The following TUBB8B variants were observed in gnomAD, a reference collection of about 807,000 sequenced individuals.
TUBB8B encodes HSA18p11 beta-tubulin 4Q pseudogene.
A neutral mutation model predicts 31.9 loss-of-function variants in TUBB8B; 26 were observed. The observed-to-expected ratio is 0.81, with a 90% CI of 0.60 to 1.13. TUBB8B has a LOEUF of 1.13. Ranked by LOEUF, TUBB8B falls within the 50% of genes most tolerant of loss-of-function variation. The pLI is 0.00. For missense variants in TUBB8B, 467 were observed against 586.7 expected (o/e 0.80, Z 2.11); for synonymous variants, 173 against 231.0 (o/e 0.75, Z 2.28).
At chr18:72,650 T>C in the TUBB8B span, among the ~76,000 whole-genome samples, 6 of 152,084 alleles carry the variant, frequency 3.9e-5, no homozygotes, top group South Asian at 2.1e-4. Context: ...GTTTCCACTA[T>C]GTTAACAAAT....
At chr18:48,913 G>A (rs1258199995) in intron 3 of TUBB8B, 27 bp downstream of exon 3, 3 of 1,462,668 alleles carry the variant, frequency 2.1e-6, no homozygotes, top group Middle Eastern at 1.9e-4. Context: ...CTAAGGAGCC[G>A]CACCCCAGTC....
chr18:71,778 G>A, the TUBB8B span, among the ~76,000 whole-genome samples: 2 of 151,916 alleles, frequency 1.3e-5, no homozygotes, highest in East Asian at 3.9e-4. Flanking sequence ...AGCTACTCAG[G>A]AGGCTGATGC....
rs551431558 is a variant in TUBB8B at position 49,333 on chromosome 18, G to T, written c.58-96C>A. ...CCACCCGCACCCCCATCCCTAGGCC[G>T]CCCTGTCCCTGGGGTCCACCCCAGC... is the stretch of plus-strand genomic sequence containing the variant. On this transcript the variant is annotated intron_variant, in intron 1 of 3. Transcript: ENST00000308911. 16 of 817,216 alleles carry T rather than the reference G, an allele frequency of 2.0e-5. No individual in the cohort carries two copies. The African/African-American group carries it at 2.6e-4, about 13-fold the overall frequency. The allele number at this position is 817,216 out of a possible 1,614,324, so 50.6% of individuals were successfully genotyped here.
At chr18:48,651 G>A (rs547116581) in intron 3 of TUBB8B, 49 of 664,784 alleles carry the variant, frequency 7.4e-5, no homozygotes, top group African/African-American at 6.8e-4. Flanking sequence ...AACCTGAGAC[G>A]GGTTCACAGA....
chr18:67,246 T>C, the TUBB8B span, among the ~76,000 whole-genome samples: 8,596 of 106,840 alleles, frequency 0.08, no homozygotes, highest in African/African-American at 0.18. Context: ...TCCACCCGCC[T>C]TGGCCTCCCA....
upstream of TUBB8B, among the ~76,000 whole-genome samples, chr18:54,122 T>G (rs1321528917): frequency 6.6e-6 from 1 of 151,798 alleles, no homozygotes; most frequent in African/African-American, 2.4e-5. Context: ...TAAGCCCCTA[T>G]TGACTAAATG....
chr18:73,415 C>A, the TUBB8B span: 1 of 164,150 alleles, frequency 6.1e-6, no homozygotes, highest in African/African-American at 2.4e-5. Context: ...GCCCCGGCCC[C>A]TCCTGGGTGG....
chr18:62,377 T>C, the TUBB8B span, among the ~76,000 whole-genome samples: 1 of 151,458 alleles, frequency 6.6e-6, no homozygotes, highest in Non-Finnish European at 1.5e-5. Flanking sequence ...TGATATCAAA[T>C]GTTGGGGAAT....
chr18:58,996 A>G, the TUBB8B span, among the ~76,000 whole-genome samples: 1 of 151,690 alleles, frequency 6.6e-6, no homozygotes, highest in African/African-American at 2.4e-5. Flanking sequence ...GTTGTTACAC[A>G]CTTTTAAATA....
chr18:57,242 T>C, the TUBB8B span, among the ~76,000 whole-genome samples: 1 of 151,806 alleles, frequency 6.6e-6, no homozygotes, highest in Non-Finnish European at 1.5e-5. Flanking sequence ...AAGTCAAAAG[T>C]CTCATCTAAG....
chr18:49,701 C>T, upstream of TUBB8B: 2 of 702,004 alleles, frequency 2.8e-6, 1 homozygote, highest in Middle Eastern at 7.4e-4. Flanking sequence ...TAAGCAACAG[C>T]TTTACTTCCA....
the TUBB8B span, among the ~76,000 whole-genome samples, chr18:70,079 A>G: frequency 2.0e-5 from 2 of 101,576 alleles, no homozygotes; most frequent in African/African-American, 3.9e-5. Flanking sequence ...GCTTGAACAC[A>G]GGAGGTGGAG....
At chr18:71,569 T>TAA in the TUBB8B span, among the ~76,000 whole-genome samples, 4,687 of 57,486 alleles carry the variant, frequency 0.082, 410 homozygotes, top group African/African-American at 0.17. Flanking sequence ...AAAAAAAATT[T>TAA]AAAAAAAAAA....
Position 49,203 on chromosome 18 carries a change from T to G in TUBB8B, c.92A>C (p.Asp31Ala). The G allele has an allele frequency of 1.3e-6, 2 of 1,537,662 alleles. No individual in the cohort carries two copies. The highest frequency in any genetic ancestry group is 1.2e-5 in the South Asian group (1 of 84,340). Residue 31 changes from aspartate (D) to alanine (A), a missense_variant, in exon 2 of 4, where the codon GAC becomes GCC. Around this residue, in one of 2 missense-constraint regions of TUBB8B, gnomAD observed 259 missense variants for 380.1 expected, o/e 0.68. Coordinates refer to ENST00000308911, the MANE Select transcript of TUBB8B (RefSeq NM_001358689.2). ...GTCCCCGTGGTAGGTGCCAGCGGAGTCGATGGCATGTTCATCAGAGATCAC... is the reference window on the plus strand; with the variant it reads ...GTCCCCGTGGTAGGTGCCAGCGGAGGCGATGGCATGTTCATCAGAGATCAC... ...WEVISDEHAI[D>A]SAGTYHGDSH...
chr18:48,635 G>C (rs1266517153), intron 3 of TUBB8B, 188 bp from the exon 4 acceptor site: 2 of 675,838 alleles, frequency 3.0e-6, no homozygotes, highest in Non-Finnish European at 5.3e-6. Context: ...ATTAAGACAG[G>C]AGTCAAACCT....
At chr18:52,477 C>A (rs1906148951), upstream of TUBB8B, among the ~76,000 whole-genome samples, 2 of 151,734 alleles carry the variant, frequency 1.3e-5, no homozygotes, top group Admixed American at 1.3e-4. Context: ...ACCCCCAGGT[C>A]TCTAACTTTG....
the TUBB8B span, among the ~76,000 whole-genome samples, chr18:72,192 A>G: frequency 6.8e-6 from 1 of 147,838 alleles, no homozygotes; most frequent in Non-Finnish European, 1.5e-5. Flanking sequence ...AAAAAAAAAA[A>G]AAAAAAAGGA....
At chr18:51,773 T>A, upstream of TUBB8B, among the ~76,000 whole-genome samples, 1 of 151,950 alleles carries the variant, frequency 6.6e-6, no homozygotes. Flanking sequence ...TGCTGCCATG[T>A]AAGAGATGTG....
the TUBB8B span, among the ~76,000 whole-genome samples, chr18:71,302 A>G: frequency 6.6e-6 from 1 of 151,874 alleles, no homozygotes. Context: ...AATCCCAATA[A>G]TTTGGGAGGC....
Sources: allele counts gnomAD v4.1 joint callset (sites outside exome capture counted in the v4.1 genomes callset), GRCh38; gene constraint gnomAD v4.1.1; regional missense constraint gnomAD v4.1.1; transcripts MANE v1.5; gene names NCBI Gene and HGNC (gene_info 2026-07-23, HGNC 2026-07-21).